Variants in CTNNA3 observed in about 807,000 individuals in gnomAD.
CTNNA3 encodes catenin alpha-3.
Under a neutral mutation model 95.7 loss-of-function variants are expected in CTNNA3, and 76 were observed. The observed-to-expected ratio is 0.79, with a 90% CI of 0.66 to 0.96. The LOEUF (loss-of-function observed/expected upper bound fraction) is 0.96, where lower values mean the gene tolerates loss of function less well. Ranked by LOEUF, CTNNA3 falls within the 40% of genes least tolerant of loss-of-function variation. CTNNA3 has a pLI of 0.00. For synonymous variants in CTNNA3, 431 were observed against 374.4 expected (o/e 1.15, Z -1.74); for missense variants, 1,191 against 1,089.8 (o/e 1.09, Z -1.31).
intron 13 of CTNNA3, among the ~76,000 whole-genome samples, chr10:66,166,676 T>C (rs2085150032): frequency 2.6e-5 from 4 of 151,996 alleles, no homozygotes; most frequent in Admixed American, 2.0e-4. Flanking sequence ...CATGTGACAA[T>C]GTGGGAGGCA....
chr10:66,481,904 T>C (rs1032347080), intron 11 of CTNNA3, among the ~76,000 whole-genome samples: 1 of 152,130 alleles, frequency 6.6e-6, no homozygotes, highest in Admixed American at 6.6e-5. Context: ...AACACAGGTA[T>C]TTGTATACCC....
chr10:66,854,915 T>C (rs1375302663), intron 7 of CTNNA3, among the ~76,000 whole-genome samples: 1 of 151,844 alleles, frequency 6.6e-6, no homozygotes, highest in Non-Finnish European at 1.5e-5. Context: ...ACCAGAGTAC[T>C]TTACTTAACC....
At chr10:66,727,160 A>G (rs763021705) in intron 9 of CTNNA3, among the ~76,000 whole-genome samples, 7 of 152,110 alleles carry the variant, frequency 4.6e-5, no homozygotes, top group East Asian at 1.9e-4. Context: ...CTAAATAACC[A>G]CTTGGAAGAA....
At chr10:67,223,342 G>A (rs1427671646) in intron 5 of CTNNA3, among the ~76,000 whole-genome samples, 1 of 152,182 alleles carries the variant, frequency 6.6e-6, no homozygotes, top group Non-Finnish European at 1.5e-5. Context: ...TAGGTTCAAA[G>A]GTTCTTGTTT....
At chr10:67,214,827 G>A (rs1312975250) in intron 6 of CTNNA3, among the ~76,000 whole-genome samples, 3 of 151,576 alleles carry the variant, frequency 2.0e-5, no homozygotes, top group African/African-American at 7.3e-5. Context: ...ATCATTCATA[G>A]GTAACTCTTT....
chr10:66,587,268 G>C (rs1053358255), intron 10 of CTNNA3, among the ~76,000 whole-genome samples: 14 of 152,190 alleles, frequency 9.2e-5, no homozygotes, highest in Non-Finnish European at 1.6e-4. Flanking sequence ...GGCTTCCTGA[G>C]TGCTGGGTTA....
At chr10:66,225,756 TAAC>T (rs1453937729) in intron 13 of CTNNA3, among the ~76,000 whole-genome samples, 1 of 151,984 alleles carries the variant, frequency 6.6e-6, no homozygotes, top group Non-Finnish European at 1.5e-5. Flanking sequence ...TTTTTTTTAA[TAAC>T]AGCCATTCTA....
intron 15 of CTNNA3, among the ~76,000 whole-genome samples, chr10:66,050,569 C>A (rs72793421): frequency 1.3e-5 from 2 of 151,838 alleles, no homozygotes; most frequent in South Asian, 4.2e-4. Context: ...CTAGCTGGGA[C>A]GACAGGCTAG....
At chr10:67,441,003 A>G (rs966282539) in intron 5 of CTNNA3, among the ~76,000 whole-genome samples, 3 of 152,166 alleles carry the variant, frequency 2.0e-5, no homozygotes, top group Non-Finnish European at 4.4e-5. Flanking sequence ...GTGACCTTTA[A>G]GAGAGAGAAT....
At chr10:66,441,937 A>G (rs950889394) in intron 11 of CTNNA3, among the ~76,000 whole-genome samples, 2 of 152,218 alleles carry the variant, frequency 1.3e-5, no homozygotes, top group African/African-American at 4.8e-5. Context: ...AAACTCTTGC[A>G]GAAAAAGAAT....
At chr10:67,080,186 C>T (rs191474379) in intron 7 of CTNNA3, among the ~76,000 whole-genome samples, 19 of 152,254 alleles carry the variant, frequency 1.2e-4, no homozygotes, top group Middle Eastern at 3.4e-3. Flanking sequence ...ATTCCTTTTA[C>T]GTGAGCTACT....
At chr10:66,514,169 C>T (rs1208756542) in intron 11 of CTNNA3, among the ~76,000 whole-genome samples, 2 of 151,854 alleles carry the variant, frequency 1.3e-5, no homozygotes, top group Non-Finnish European at 2.9e-5. Flanking sequence ...AATCCTGGGG[C>T]CAAACACATT....
intron 12 of CTNNA3, among the ~76,000 whole-genome samples, chr10:66,374,510 C>T (rs901004005): frequency 6.7e-6 from 1 of 148,764 alleles, no homozygotes; most frequent in Admixed American, 6.7e-5. Context: ...TTAATTCTAA[C>T]ATACGACACA....
At chr10:67,151,798 A>G (rs1385441363) in intron 7 of CTNNA3, among the ~76,000 whole-genome samples, 1 of 152,190 alleles carries the variant, frequency 6.6e-6, no homozygotes, top group Non-Finnish European at 1.5e-5. Context: ...TGGTGTTCGA[A>G]GTTTTGAGGA....
At chr10:66,459,607 G>GTTGTTAGGT (rs2093515469) in intron 11 of CTNNA3, among the ~76,000 whole-genome samples, 1 of 152,140 alleles carries the variant, frequency 6.6e-6, no homozygotes, top group Non-Finnish European at 1.5e-5. Flanking sequence ...TGAGAAATAT[G>GTTGTTAGGT]TTGTTAGGTG....
At chr10:67,145,828 G>A (rs1406945630) in intron 7 of CTNNA3, among the ~76,000 whole-genome samples, 1 of 151,762 alleles carries the variant, frequency 6.6e-6, no homozygotes, top group African/African-American at 2.4e-5. Context: ...GTTACCACAT[G>A]TGCAAAAAGC....
chr10:66,676,497 C>T (rs1464973468), intron 9 of CTNNA3, among the ~76,000 whole-genome samples: 1 of 151,930 alleles, frequency 6.6e-6, no homozygotes, highest in Non-Finnish European at 1.5e-5. Flanking sequence ...GCCAAAGGTA[C>T]CCTCTCTCTG....
chr10:65,954,432 T>A (rs548073094), intron 17 of CTNNA3, among the ~76,000 whole-genome samples: 1 of 152,286 alleles, frequency 6.6e-6, no homozygotes, highest in East Asian at 1.9e-4. Flanking sequence ...TGCCACTGCT[T>A]TTGTTGTTTT....
At chr10:67,131,632 C>G (rs1419232336) in intron 7 of CTNNA3, among the ~76,000 whole-genome samples, 1 of 151,984 alleles carries the variant, frequency 6.6e-6, no homozygotes, top group Non-Finnish European at 1.5e-5. Context: ...CAATCTTTGT[C>G]ATTTTTTGTG....
Sources: allele counts gnomAD v4.1 joint callset (sites outside exome capture counted in the v4.1 genomes callset), GRCh38; gene constraint gnomAD v4.1.1; transcripts MANE v1.5; gene names NCBI Gene and HGNC (gene_info 2026-07-23, HGNC 2026-07-21).